SYTL5: variants seen among roughly 807,000 people sequenced by gnomAD.
SYTL5 encodes synaptotagmin like 5, also known as synaptotagmin-like protein 5.
SYTL5 carries 34 observed loss-of-function variants against 55.9 expected under a neutral mutation model. That is an observed-to-expected ratio of 0.61 (90% CI 0.46 to 0.81). The LOEUF (loss-of-function observed/expected upper bound fraction) is 0.81, where lower values mean the gene tolerates loss of function less well. SYTL5 is among the 30% of genes least tolerant of loss of function. SYTL5 has a pLI of 0.00. For missense variants in SYTL5, 637 were observed against 546.7 expected, an observed-to-expected ratio of 1.17 and a Z score of -1.65; for synonymous variants, 221 against 188.7, an observed-to-expected ratio of 1.17 and a Z score of -1.40.
At chrX:37,946,872 G>A in the SYTL5 span, 85 of 112,468 alleles carry the variant, frequency 7.6e-4, no homozygotes, top group Non-Finnish European at 9.3e-4. Context: ...ATGTGTCTTG[G>A]TTGCTAAGTG....
At chrX:37,952,965 G>A in the SYTL5 span, among the ~76,000 whole-genome samples, 1 of 110,370 alleles carries the variant, frequency 9.1e-6, no homozygotes, top group Non-Finnish European at 1.9e-5. Context: ...CAAAACCAGG[G>A]CACTTCAGAG....
intron 6 of SYTL5, among the ~76,000 whole-genome samples, chrX:38,083,709 T>C (rs1451643301): frequency 9.1e-6 from 1 of 109,931 alleles, no homozygotes; most frequent in African/African-American, 3.3e-5. Context: ...AAACACCCAA[T>C]ACCTGAAATT....
intron 13 of SYTL5, among the ~76,000 whole-genome samples, chrX:38,111,354 A>G (rs943980341): frequency 4.2e-4 from 47 of 111,863 alleles, no homozygotes; most frequent in African/African-American, 1.4e-3. Flanking sequence ...TGAAGCTTGA[A>G]TAAACATTCT....
the SYTL5 span, among the ~76,000 whole-genome samples, chrX:37,894,558 T>C: frequency 2.7e-5 from 3 of 111,978 alleles, no homozygotes; most frequent in African/African-American, 6.5e-5. Context: ...CGTTAATGCA[T>C]TGTGAGCATA....
the SYTL5 span, among the ~76,000 whole-genome samples, chrX:37,985,549 A>G: frequency 9.0e-6 from 1 of 110,604 alleles, no homozygotes; most frequent in Non-Finnish European, 1.9e-5. Context: ...ATGGAAAAAC[A>G]TATCATTTTC....
the SYTL5 span, among the ~76,000 whole-genome samples, chrX:37,905,966 A>T: frequency 8.9e-6 from 1 of 112,733 alleles, no homozygotes; most frequent in African/African-American, 3.2e-5. Flanking sequence ...GTGGGGAGGG[A>T]GAGGGGCGCA....
chrX:37,925,596 G>A, the SYTL5 span, among the ~76,000 whole-genome samples: 1 of 110,850 alleles, frequency 9.0e-6, no homozygotes, highest in Non-Finnish European at 1.9e-5. Context: ...ATCTCATTTT[G>A]GTTTTGGTTT....
At chrX:38,055,910 A>G (rs186427396) in intron 3 of SYTL5, among the ~76,000 whole-genome samples, 48 of 111,990 alleles carry the variant, frequency 4.3e-4, no homozygotes, top group Admixed American at 4.0e-3. Context: ...TAATAATTAC[A>G]TCAGGGTAAA....
At chrX:37,983,172 G>A in the SYTL5 span, among the ~76,000 whole-genome samples, 5 of 111,575 alleles carry the variant, frequency 4.5e-5, no homozygotes, top group Middle Eastern at 4.7e-3. Flanking sequence ...AATGGCAGAG[G>A]TAAATCTAAC....
intron 8 of SYTL5, 82 bp downstream of exon 8, chrX:38,094,506 G>A: frequency 9.8e-7 from 1 of 1,015,608 alleles, no homozygotes; most frequent in South Asian, 2.6e-5. Flanking sequence ...GTATTAAGTG[G>A]ATGTTTCATC....
At chrX:37,891,837 T>A in the SYTL5 span, among the ~76,000 whole-genome samples, 2 of 111,508 alleles carry the variant, frequency 1.8e-5, no homozygotes, top group Non-Finnish European at 3.8e-5. Context: ...TACAATAACC[T>A]TACATTCTCT....
In SYTL5 at chrX:38,126,948, A is replaced by G. The variant is rs1223774478; in HGVS notation, c.*218A>G. 2.6e-6 allele frequency: 1 copy of G among 383,635 alleles called. No homozygotes were observed. 31.6% of individuals were successfully genotyped at this position (383,635 alleles called of 1,213,427 possible). A position where few individuals can be genotyped will look rare whatever the true frequency, so the allele number is the denominator to read the frequency against. ...CAATCAAGGCCTTCTTGATTGGATG[A>G]TAGAAAGTGTACTACTTGTCCTGTC... On this transcript the variant is annotated 3_prime_UTR_variant, in exon 17 of 17. Transcript: ENST00000297875.
chrX:37,944,398 A>G, the SYTL5 span, among the ~76,000 whole-genome samples: 1 of 111,731 alleles, frequency 9.0e-6, no homozygotes, highest in Non-Finnish European at 1.9e-5. Context: ...GTAATTGATA[A>G]TATACTTAAA....
the SYTL5 span, among the ~76,000 whole-genome samples, chrX:37,997,480 T>G: frequency 8.9e-6 from 1 of 112,256 alleles, no homozygotes; most frequent in East Asian, 2.8e-4. Context: ...CTGCTGTCAG[T>G]GCCCACTCCA....
chrX:38,060,690 A>T (rs1935919996), intron 3 of SYTL5, among the ~76,000 whole-genome samples: 1 of 112,386 alleles, frequency 8.9e-6, no homozygotes. Context: ...GATTAAAAAG[A>T]AATGAGCCAT....
the SYTL5 span, among the ~76,000 whole-genome samples, chrX:37,969,770 A>G: frequency 9.0e-6 from 1 of 111,188 alleles, no homozygotes; most frequent in Non-Finnish European, 1.9e-5. Flanking sequence ...AGTAGGTGGG[A>G]TCACAGGCAC....
At chrX:38,121,519 A>T (rs1224730292) in intron 14 of SYTL5, among the ~76,000 whole-genome samples, 1 of 112,231 alleles carries the variant, frequency 8.9e-6, no homozygotes, top group African/African-American at 3.2e-5. Context: ...GCTGGTTGTG[A>T]TACTGGTTTA....
chrX:38,038,037 ATT>A (rs944136514), intron 2 of SYTL5, among the ~76,000 whole-genome samples: 1 of 111,296 alleles, frequency 9.0e-6, no homozygotes, highest in African/African-American at 3.3e-5. Flanking sequence ...GAGAAAATTC[ATT>A]CTTACTCAGC....
At chrX:37,939,600 A>G in the SYTL5 span, 5 of 112,589 alleles carry the variant, frequency 4.4e-5, no homozygotes, top group Admixed American at 4.7e-4. Context: ...GCTGAGCGCC[A>G]TCAATTATAC....
Sources: allele counts gnomAD v4.1 joint callset (sites outside exome capture counted in the v4.1 genomes callset), GRCh38; gene constraint gnomAD v4.1.1; transcripts MANE v1.5; gene names NCBI Gene and HGNC (gene_info 2026-07-23, HGNC 2026-07-21).